Variants in MGAT5 observed in about 807,000 individuals in gnomAD.
The protein encoded by MGAT5 is alpha-1,6-mannosylglycoprotein 6-beta-N-acetylglucosaminyltransferase A.
Under a neutral mutation model 94.3 loss-of-function variants are expected in MGAT5, and 30 were observed. The ratio of observed to expected loss-of-function variants is 0.32; its 90% CI spans 0.24 to 0.43. MGAT5 has a LOEUF of 0.43. Among genes scored for constraint, MGAT5 ranks in the 20% least tolerant of loss-of-function variants. MGAT5 has a pLI of 1.00. For synonymous variants in MGAT5, 310 were observed against 322.9 expected, an observed-to-expected ratio of 0.96 and a Z score of 0.43; for missense variants, 691 against 905.5, an observed-to-expected ratio of 0.76 and a Z score of 3.04.
At chr2:134,365,477 A>G (rs1463181165) in intron 10 of MGAT5, among the ~76,000 whole-genome samples, 2 of 152,228 alleles carry the variant, frequency 1.3e-5, no homozygotes, top group African/African-American at 2.4e-5. Context: ...GTTAACAGAA[A>G]TCAAAAAAAT....
At position 134,450,109 on chromosome 2, in the gene MGAT5, C is replaced by G. The variant is rs1686021294; in HGVS notation, c.*1262C>G. 1 of 152,530 alleles carries G rather than the reference C, an allele frequency of 6.6e-6. No individual in the cohort carries two copies. Among genetic ancestry groups the G allele is most frequent in the South Asian group, 2.1e-4 (1 of 4,822 alleles). 9.4% of individuals were successfully genotyped at this position (152,530 alleles called of 1,614,324 possible). ...CACACTGGACCCCACCTTCCAAACC[C>G]TGGACCCCCCCATGCTCTGCCTTTG... On this transcript the variant is annotated 3_prime_UTR_variant, in exon 16 of 16. Transcript: ENST00000281923.
intron 10 of MGAT5, among the ~76,000 whole-genome samples, chr2:134,391,784 T>C (rs1300676587): frequency 6.6e-6 from 1 of 152,124 alleles, no homozygotes; most frequent in African/African-American, 2.4e-5. Context: ...AACCACAAGG[T>C]TGAGAAGTCA....
intron 1 of MGAT5, among the ~76,000 whole-genome samples, chr2:134,225,082 A>AC (rs1274349791): frequency 1.3e-5 from 2 of 149,278 alleles, no homozygotes; most frequent in African/African-American, 4.9e-5. Flanking sequence ...TCTCACAAAA[A>AC]AAAAAAAAAA....
chr2:134,207,767 C>G (rs566456651), intron 1 of MGAT5, among the ~76,000 whole-genome samples: 1 of 152,200 alleles, frequency 6.6e-6, no homozygotes, highest in South Asian at 2.1e-4. Context: ...CATTTGTGCT[C>G]TTGCCATCTA....
intron 10 of MGAT5, among the ~76,000 whole-genome samples, chr2:134,366,548 A>G (rs903733039): frequency 6.6e-6 from 1 of 152,180 alleles, no homozygotes; most frequent in Non-Finnish European, 1.5e-5. Flanking sequence ...CAGACTTGCA[A>G]CTTAACCACA....
chr2:134,218,121 T>G (rs1680586354), intron 1 of MGAT5, among the ~76,000 whole-genome samples: 1 of 151,760 alleles, frequency 6.6e-6, no homozygotes, highest in African/African-American at 2.4e-5. Flanking sequence ...TAGATGAGGG[T>G]GATGATGAAT....
intron 1 of MGAT5, among the ~76,000 whole-genome samples, chr2:134,148,139 T>A (rs926654733): frequency 4.6e-5 from 7 of 152,262 alleles, no homozygotes; most frequent in Non-Finnish European, 1.0e-4. Flanking sequence ...TTTTATTTCA[T>A]GCATTTAAAA....
At chr2:134,260,702 C>CTT (rs3838494) in intron 1 of MGAT5, among the ~76,000 whole-genome samples, 10 of 127,060 alleles carry the variant, frequency 7.9e-5, no homozygotes, top group African/African-American at 1.4e-4. Flanking sequence ...TTTTCTTTTT[C>CTT]TTTTTTTTTT....
At position 134,209,170 on chromosome 2, in the gene MGAT5, AT is replaced by A. The variant is rs1282687888; in HGVS notation, c.-142-45081del. Among the ~76,000 whole-genome samples, 70 of 30,680 alleles carry A rather than the reference AT, an allele frequency of 2.3e-3. 8 individuals carry two copies. The highest frequency in any genetic ancestry group is 0.013 in the East Asian group (8 of 598). The allele number at this position is 30,680 out of a possible 152,430, so 20.1% of individuals were successfully genotyped here. A position where few individuals can be genotyped will look rare whatever the true frequency, so the allele number is the denominator to read the frequency against. On this transcript the variant is annotated intron_variant, in intron 1 of 16. Transcript: ENST00000409645. ...TTTTTTTATTTTTTTTTTTTTTTTTATTTTTTTTTTTATTTTTTAATTATTA... is the reference window on the plus strand; with the variant it reads ...TTTTTTTATTTTTTTTTTTTTTTTTATTTTTTTTTTATTTTTTAATTATTA...
intron 4 of MGAT5, among the ~76,000 whole-genome samples, chr2:134,327,923 A>G (rs1339826193): frequency 6.6e-6 from 1 of 152,150 alleles, no homozygotes; most frequent in Non-Finnish European, 1.5e-5. Context: ...CTTAAAATTG[A>G]GTGACTTTAG....
At chr2:134,178,848 C>T (rs1338979003) in intron 1 of MGAT5, among the ~76,000 whole-genome samples, 1 of 152,186 alleles carries the variant, frequency 6.6e-6, no homozygotes, top group Non-Finnish European at 1.5e-5. Context: ...CTGTTAATAA[C>T]TAACATTTAC....
At chr2:134,442,919 A>G (rs1334178865) in intron 15 of MGAT5, among the ~76,000 whole-genome samples, 1 of 150,698 alleles carries the variant, frequency 6.6e-6, no homozygotes, top group African/African-American at 2.4e-5. Context: ...TAGCAGGTGT[A>G]CCATTCCAGG....
At chr2:134,197,000 T>C (rs1203680845) in intron 1 of MGAT5, among the ~76,000 whole-genome samples, 11 of 152,248 alleles carry the variant, frequency 7.2e-5, no homozygotes, top group Admixed American at 5.2e-4. Context: ...AAAAATACTC[T>C]TAAGGACAAC....
intron 6 of MGAT5, among the ~76,000 whole-genome samples, chr2:134,339,098 T>C (rs761143536): frequency 1.3e-5 from 2 of 152,158 alleles, no homozygotes; most frequent in Non-Finnish European, 2.9e-5. Context: ...ATCCAACTAA[T>C]TTGATATGTT....
At chr2:134,401,397 C>G (rs1386364630) in intron 10 of MGAT5, among the ~76,000 whole-genome samples, 1 of 152,122 alleles carries the variant, frequency 6.6e-6, no homozygotes, top group Admixed American at 6.5e-5. Flanking sequence ...GCTCCCCTTG[C>G]CTTCCTGAGT....
At chr2:134,250,862 G>A (rs959582535), upstream of MGAT5, among the ~76,000 whole-genome samples, 1 of 152,148 alleles carries the variant, frequency 6.6e-6, no homozygotes, top group Non-Finnish European at 1.5e-5. Context: ...TTGCGCCTCT[G>A]ATACACCATC....
intron 2 of MGAT5, among the ~76,000 whole-genome samples, chr2:134,306,649 G>A (rs75359042): frequency 2.6e-5 from 4 of 152,034 alleles, no homozygotes; most frequent in African/African-American, 9.7e-5. Context: ...TGTCCTGAGG[G>A]TGAATGAGGC....
chr2:134,169,387 TAC>T (rs61268974), intron 1 of MGAT5, among the ~76,000 whole-genome samples: 4,365 of 138,362 alleles, frequency 0.032, 311 homozygotes, highest in East Asian at 0.28. Flanking sequence ...AATTTAAAAA[TAC>T]ACACACACAC....
intron 8 of MGAT5, among the ~76,000 whole-genome samples, chr2:134,346,998 G>A (rs558331842): frequency 3.2e-4 from 49 of 152,262 alleles, no homozygotes; most frequent in Admixed American, 5.9e-4. Context: ...TGGCTGCTGC[G>A]ATCGCTGTTA....
Sources: allele counts gnomAD v4.1 joint callset (sites outside exome capture counted in the v4.1 genomes callset), GRCh38; gene constraint gnomAD v4.1.1; transcripts MANE v1.5; gene names NCBI Gene and HGNC (gene_info 2026-07-23, HGNC 2026-07-21).